PMF1: variants seen among roughly 807,000 people sequenced by gnomAD.
PMF1 encodes polyamine modulated factor 1.
Under a neutral mutation model 26.7 loss-of-function variants are expected in PMF1, and 21 were observed. The observed-to-expected ratio is 0.79, with a 90% CI of 0.56 to 1.13. PMF1 has a LOEUF of 1.13. PMF1 is among the 50% of genes most tolerant of loss of function. The probability of loss-of-function intolerance (pLI) is 0.00; values close to 1 mark genes in which losing one functional copy is unlikely to be tolerated. For missense variants in PMF1, 266 were observed against 254.9 expected (o/e 1.04, Z -0.30); for synonymous variants, 105 against 101.0 (o/e 1.04, Z -0.24).
Position 156,232,365 on chromosome 1 carries a change from G to C in PMF1, c.207G>C (p.Gln69His). 1 of 1,614,080 alleles carries C rather than the reference G, an allele frequency of 6.2e-7. No homozygotes were observed. Among genetic ancestry groups the C allele is most frequent in the African/African-American group, 1.3e-5 (1 of 75,056 alleles). The change falls in exon 2 of 5, where the codon CAG (glutamine) becomes CAC (histidine). Residue 69 changes from glutamine (Q) to histidine (H), a missense_variant. Physicochemically the swap from Gln to His is conservative, Grantham distance 24. Transcript: ENST00000368277. ...GCTATAAGTGCTTCTACCAGTTGCA[G>C]CCTGCGATGACACAGCAAATCTATG... ...TDCYKCFYQL[Q>H]PAMTQQIYDK...
chr1:156,238,891 C>CG (rs1200343028), intron 4 of PMF1, among the ~76,000 whole-genome samples: 2 of 150,904 alleles, frequency 1.3e-5, no homozygotes, highest in South Asian at 2.1e-4. Flanking sequence ...GGCCCCCCCC[C>CG]CAAGCCTGGT....
At position 156,232,942 on chromosome 1, in the gene PMF1, CAG is replaced by C. The variant is rs1658803034; in HGVS notation, c.267+518_267+519del. 1.8e-5 allele frequency among the ~76,000 whole-genome samples: 2 copies of C among 111,910 alleles called. 1 individual carries two copies. Among genetic ancestry groups the C allele is most frequent in the South Asian group, 5.3e-4 (2 of 3,748 alleles). 73.4% of individuals were successfully genotyped at this position (111,910 alleles called of 152,430 possible). A position where few individuals can be genotyped will look rare whatever the true frequency, so the allele number is the denominator to read the frequency against. On this transcript the variant is annotated intron_variant, in intron 2 of 4. Transcript: ENST00000368277. Reference sequence around the variant, plus strand: ...TCCTTTTTTTTTTTTTTTTTTGAGACAGGGTCTGGCTCTGTCACTCAGGCTGG... The same window carrying C: ...TCCTTTTTTTTTTTTTTTTTTGAGACGGTCTGGCTCTGTCACTCAGGCTGG...
At chr1:156,235,252 G>A (rs1658938587) in intron 3 of PMF1, among the ~76,000 whole-genome samples, 2 of 151,160 alleles carry the variant, frequency 1.3e-5, no homozygotes, top group African/African-American at 4.9e-5. Context: ...AGCCTCCCGA[G>A]TAGCTGGGAT....
At chr1:156,236,079 C>T (rs1018176936) in intron 3 of PMF1, among the ~76,000 whole-genome samples, 4 of 152,114 alleles carry the variant, frequency 2.6e-5, no homozygotes, top group Non-Finnish European at 5.9e-5. Flanking sequence ...GAGAGGTGGA[C>T]CCCTAAGCAT....
In PMF1 at chr1:156,216,843, C is replaced by T. The variant is rs2475757; in HGVS notation, c.161+3667C>T. 1.8e-4 allele frequency among the ~76,000 whole-genome samples: 28 copies of T among 151,930 alleles called. No homozygotes were observed. The East Asian group carries it at 5.2e-3, about 28-fold the overall frequency. The stretch of plus-strand genomic sequence containing the variant: ...CGATCGACTCGCTGGCCGGCCGGCC[C>T]GCCTCCGCTCCCGGGGGGCTCTAAT... On this transcript the variant is annotated intron_variant, in intron 1 of 4. Coordinates refer to ENST00000368277, the MANE Select transcript of PMF1 (RefSeq NM_007221.4).
At chr1:156,227,933 GA>G (rs1290996589) in intron 1 of PMF1, among the ~76,000 whole-genome samples, 9 of 121,830 alleles carry the variant, frequency 7.4e-5, no homozygotes, top group East Asian at 2.5e-4. Flanking sequence ...ACCTGACTAT[GA>G]TTTTTTTTTT....
intron 4 of PMF1, chr1:156,236,701 G>A: frequency 1.5e-6 from 1 of 646,280 alleles, no homozygotes. Flanking sequence ...CCAGGCACAG[G>A]CATGTGTTCC....
chr1:156,213,074 G>T lies in PMF1; in HGVS notation c.59G>T (p.Gly20Val). Reference sequence around the variant, plus strand: ...GGCTGTGAGGAAAAAAGGCATGAGGGGTCGTCTTCGGAATCTGTGCCACCC... The same window carrying T: ...GGCTGTGAGGAAAAAAGGCATGAGGTGTCGTCTTCGGAATCTGTGCCACCC... ...GSGCEEKRHEGSSSESVPPGT... is the reference protein window; with the variant it reads ...GSGCEEKRHEVSSSESVPPGT... The change falls in exon 1 of 5, where the codon GGG (glycine) becomes GTG (valine). Residue 20 changes from glycine (G) to valine (V), a missense_variant. By Grantham distance (109) the Gly-to-Val change is moderately radical. Coordinates refer to ENST00000368277, the MANE Select transcript of PMF1 (RefSeq NM_007221.4). The T allele has an allele frequency of 6.2e-7, 1 of 1,614,224 alleles. No individual in the cohort carries two copies.
At chr1:156,237,289 C>CAGT (rs3835691) in intron 4 of PMF1, 93,342 of 151,548 alleles carry the variant, frequency 0.62, 29,137 homozygotes, top group Middle Eastern at 0.75. Flanking sequence ...TACTGTTGAA[C>CAGT]AGAATTTACA....
chr1:156,221,328 G>C lies in PMF1; in HGVS notation c.161+8152G>C, dbSNP rs759678653. Among the ~76,000 whole-genome samples the C allele has an allele frequency of 5.9e-5, 9 of 152,138 alleles. No homozygotes were observed. In the South Asian group the frequency reaches 1.0e-3, roughly 17 times the overall value. On this transcript the variant is annotated intron_variant, in intron 1 of 4. Coordinates refer to ENST00000368277, the MANE Select transcript of PMF1 (RefSeq NM_007221.4). ...CTTTCCTGCCTTGGCATCTGCACTT[G>C]CTGTTTGCTCTGCCAAGAATGGTCT... is the stretch of plus-strand genomic sequence containing the variant.
intron 4 of PMF1, chr1:156,237,132 G>C (rs1356114453): frequency 6.6e-6 from 1 of 152,564 alleles, no homozygotes; most frequent in African/African-American, 2.4e-5. Context: ...ATACTGCCCA[G>C]GCCAGTCTCG....
intron 1 of PMF1, among the ~76,000 whole-genome samples, chr1:156,230,231 T>C (rs1658618234): frequency 6.6e-6 from 1 of 152,224 alleles, no homozygotes; most frequent in Non-Finnish European, 1.5e-5. Flanking sequence ...ACAGCATCAG[T>C]GTGAGCTTTT....
chr1:156,239,583 G>GCTGAGGGAGC lies in PMF1; in HGVS notation c.606_615dup (p.Ter206GlyfsTer3). 1 of 1,612,868 alleles carries GCTGAGGGAGC rather than the reference G, an allele frequency of 6.2e-7. No homozygotes were observed. Among genetic ancestry groups the GCTGAGGGAGC allele is most frequent in the Non-Finnish European group, 8.5e-7 (1 of 1,179,908 alleles). ...GAGAACAGAGGGAGCTGGTTGCTGT[G>GCTGAGGGAGC]CTGAGGGAGCCTGAGTGAGGAGACC... On this transcript the variant is annotated frameshift_variant, in exon 5 of 5. Coordinates refer to ENST00000368277, the MANE Select transcript of PMF1 (RefSeq NM_007221.4). LOFTEE classifies it high-confidence loss of function.
intron 1 of PMF1, among the ~76,000 whole-genome samples, chr1:156,226,869 C>A (rs1267091042): frequency 1.3e-5 from 2 of 152,172 alleles, no homozygotes; most frequent in Non-Finnish European, 2.9e-5. Context: ...AGCTGGGTGA[C>A]CTCTTATGTA....
chr1:156,235,653 G>A (rs1026521795), intron 3 of PMF1, among the ~76,000 whole-genome samples: 1 of 151,330 alleles, frequency 6.6e-6, no homozygotes, highest in Non-Finnish European at 1.5e-5. Context: ...ATGTTAGCCA[G>A]GATGCTCTCG....
rs752534455 is a variant in PMF1 at position 156,233,664 on chromosome 1, G to C, written c.304G>C (p.Glu102Gln). 12 of 1,613,848 alleles carry C rather than the reference G, an allele frequency of 7.4e-6. No individual in the cohort carries two copies. Among genetic ancestry groups the C allele is most frequent in the Non-Finnish European group, 9.3e-6 (11 of 1,179,956 alleles). The change falls in exon 3 of 5, where the codon GAA becomes CAA. Residue 102 changes from glutamate (E) to glutamine (Q), a missense_variant. Glu to Gln is a conservative substitution (Grantham distance 29). Coordinates refer to ENST00000368277, the MANE Select transcript of PMF1 (RefSeq NM_007221.4). ...TGACATCAAAGAGGAGGGGAACCTA[G>C]AAGCTGTCTTGAATGCCTTGGATAA... ...ISDIKEEGNL[E>Q]AVLNALDKIV...
In PMF1 at chr1:156,218,768, C is replaced by T. The variant is rs572756028; in HGVS notation, c.161+5592C>T. On this transcript the variant is annotated intron_variant, in intron 1 of 4. Transcript: ENST00000368277. ...CTGCATTCCAGCCTGGGTGACAGAG[C>T]GAGACTCCGTCTCAAAAACAAAAAC... 5.9e-5 allele frequency among the ~76,000 whole-genome samples: 9 copies of T among 151,306 alleles called. No homozygotes were observed. In the South Asian group the frequency reaches 1.0e-3, roughly 18 times the overall value.
intron 1 of PMF1, 28 bp downstream of exon 1, chr1:156,213,204 T>C (rs760703466): frequency 6.2e-7 from 1 of 1,605,104 alleles, no homozygotes; most frequent in South Asian, 1.1e-5. Flanking sequence ...GCGGTGGGAG[T>C]GTTTGTTGGC....
intron 1 of PMF1, among the ~76,000 whole-genome samples, chr1:156,218,285 T>G (rs554689190): frequency 3.5e-4 from 54 of 152,346 alleles, no homozygotes; most frequent in African/African-American, 1.2e-3. Context: ...TATTGGGTGA[T>G]AACTTTGTTG....
Sources: gnomAD v4.1 joint callset for allele counts (sites outside exome capture counted in the v4.1 genomes callset) on GRCh38, gnomAD v4.1.1 for gene constraint, MANE v1.5 for transcripts, NCBI Gene and HGNC (gene_info 2026-07-23, HGNC 2026-07-21) for gene names.